The following RAPGEF2 variants were observed in gnomAD, a reference collection of about 807,000 sequenced individuals.
The protein encoded by RAPGEF2 is PDZ domain containing guanine nucleotide exchange factor (GEF) 1.
A neutral mutation model predicts 186.7 loss-of-function variants in RAPGEF2; 54 were observed. The ratio of observed to expected loss-of-function variants is 0.29; its 90% CI spans 0.23 to 0.36. The LOEUF (loss-of-function observed/expected upper bound fraction) is 0.36, where lower values mean the gene tolerates loss of function less well. RAPGEF2 is among the 10% of genes least tolerant of loss of function. RAPGEF2 has a pLI of 1.00. For synonymous variants in RAPGEF2, 712 were observed against 705.9 expected, an observed-to-expected ratio of 1.01 and a Z score of -0.14; for missense variants, 1,532 against 2,045.0, an observed-to-expected ratio of 0.75 and a Z score of 4.84.
intron 11 of RAPGEF2, chr4:159,329,210 T>C (rs1278109930): frequency 1.3e-5 from 2 of 152,130 alleles, no homozygotes; most frequent in Non-Finnish European, 2.9e-5. Context: ...AAATTTTTTA[T>C]ATTTGGGGTC....
intron 7 of RAPGEF2, among the ~76,000 whole-genome samples, chr4:159,259,963 A>T (rs1243287081): frequency 6.6e-6 from 1 of 151,926 alleles, no homozygotes; most frequent in Non-Finnish European, 1.5e-5. Flanking sequence ...CTATTGTCCT[A>T]TTATCACTGT....
intron 1 of RAPGEF2, among the ~76,000 whole-genome samples, chr4:159,180,532 C>G (rs534398446): frequency 3.2e-4 from 48 of 152,280 alleles, no homozygotes; most frequent in South Asian, 6.2e-4. Flanking sequence ...TTATAGGCTC[C>G]TTGTGGCACA....
intron 7 of RAPGEF2, among the ~76,000 whole-genome samples, chr4:159,247,549 G>C (rs546176077): frequency 6.6e-6 from 1 of 152,144 alleles, no homozygotes; most frequent in East Asian, 1.9e-4. Flanking sequence ...AAGCAGAGGT[G>C]TGACATACTG....
At chr4:159,322,248 G>T in intron 9 of RAPGEF2, 99 bp from the exon 10 acceptor site, 2 of 1,098,156 alleles carry the variant, frequency 1.8e-6, no homozygotes, top group East Asian at 2.6e-5. Context: ...AAGCAAAATT[G>T]TAGGGCATTT....
chr4:159,165,517 C>T (rs1160605488), intron 1 of RAPGEF2, among the ~76,000 whole-genome samples: 1 of 152,100 alleles, frequency 6.6e-6, no homozygotes, highest in Non-Finnish European at 1.5e-5. Context: ...TTTTTGAAGT[C>T]AGGTTATCAT....
At chr4:159,123,673 C>T (rs1739965867) in intron 1 of RAPGEF2, among the ~76,000 whole-genome samples, 1 of 151,456 alleles carries the variant, frequency 6.6e-6, no homozygotes, top group South Asian at 2.1e-4. Context: ...CGCCCACCAC[C>T]GCGCCCGGCT....
chr4:159,312,451 G>T (rs1235159011), intron 8 of RAPGEF2, among the ~76,000 whole-genome samples: 2 of 151,930 alleles, frequency 1.3e-5, no homozygotes, highest in Non-Finnish European at 2.9e-5. Context: ...CCACAACCTT[G>T]GCATACTATA....
At chr4:159,234,845 C>T (rs975472694) in intron 4 of RAPGEF2, among the ~76,000 whole-genome samples, 4 of 152,114 alleles carry the variant, frequency 2.6e-5, no homozygotes, top group African/African-American at 4.8e-5. Flanking sequence ...CTGTGACCTC[C>T]GTCTCCTGAG....
At chr4:159,347,051 C>T in intron 25 of RAPGEF2, 53 bp downstream of exon 25, 1 of 1,471,150 alleles carries the variant, frequency 6.8e-7, no homozygotes, top group Non-Finnish European at 9.3e-7. Context: ...TCATGGTTTG[C>T]AAATTAGGAA....
chr4:159,354,753 T>G (rs922847776), intron 28 of RAPGEF2, among the ~76,000 whole-genome samples: 4 of 152,230 alleles, frequency 2.6e-5, no homozygotes, highest in Non-Finnish European at 5.9e-5. Flanking sequence ...TGCAAAGTAT[T>G]TAGAACAGTG....
intron 7 of RAPGEF2, among the ~76,000 whole-genome samples, chr4:159,273,718 T>C (rs1758483985): frequency 6.7e-6 from 1 of 149,820 alleles, no homozygotes; most frequent in Non-Finnish European, 1.5e-5. Context: ...TTAAATATTA[T>C]ATAAAATGCA....
intron 11 of RAPGEF2, chr4:159,328,880 T>G (rs1393221910): frequency 6.6e-6 from 1 of 152,134 alleles, no homozygotes; most frequent in Non-Finnish European, 1.5e-5. Flanking sequence ...TAGTATAGTA[T>G]CTTTTTTAAA....
intron 2 of RAPGEF2, among the ~76,000 whole-genome samples, chr4:159,191,985 C>T (rs960318184): frequency 7.2e-5 from 11 of 151,992 alleles, no homozygotes; most frequent in Non-Finnish European, 1.2e-4. Flanking sequence ...CAGGGTCTTC[C>T]GTGGAAGCAG....
At chr4:159,309,960 TAAAC>T (rs1438654623) in intron 8 of RAPGEF2, among the ~76,000 whole-genome samples, 2 of 141,082 alleles carry the variant, frequency 1.4e-5, no homozygotes, top group Admixed American at 6.7e-5. Flanking sequence ...AAATTCCTGA[TAAAC>T]TAAAGAGTTA....
chr4:159,245,854 G>A (rs1286425879), intron 7 of RAPGEF2, among the ~76,000 whole-genome samples: 1 of 151,966 alleles, frequency 6.6e-6, no homozygotes. Flanking sequence ...AAGAAAACTT[G>A]GCCAAATTGT....
chr4:159,329,642 A>G (rs1030186291), intron 11 of RAPGEF2: 3 of 328,852 alleles, frequency 9.1e-6, no homozygotes, highest in South Asian at 9.6e-5. Flanking sequence ...TGTAAAATAC[A>G]TATAAGTATT....
intron 4 of RAPGEF2, among the ~76,000 whole-genome samples, chr4:159,226,111 A>G (rs1264656122): frequency 6.6e-6 from 1 of 152,066 alleles, no homozygotes. Flanking sequence ...TAATAGTTTT[A>G]CTTCCTCCAT....
intron 7 of RAPGEF2, among the ~76,000 whole-genome samples, chr4:159,273,996 TGG>T (rs1475483846): frequency 2.6e-5 from 4 of 152,050 alleles, no homozygotes; most frequent in African/African-American, 9.7e-5. Context: ...TTCGCCATGT[TGG>T]CCTGGCCGGT....
chr4:159,216,518 G>T (rs1751007651), intron 4 of RAPGEF2, among the ~76,000 whole-genome samples: 1 of 151,920 alleles, frequency 6.6e-6, no homozygotes, highest in South Asian at 2.1e-4. Flanking sequence ...ATTCAGCGAG[G>T]ACAATTCAAA....
Sources: gnomAD v4.1 joint callset for allele counts (sites outside exome capture counted in the v4.1 genomes callset) on GRCh38, gnomAD v4.1.1 for gene constraint, MANE v1.5 for transcripts, NCBI Gene and HGNC (gene_info 2026-07-23, HGNC 2026-07-21) for gene names.